Variants in B3GALT1 observed in about 807,000 individuals in gnomAD.
The protein encoded by B3GALT1 is beta-1,3-galactosyltransferase 1.
B3GALT1 carries 10 observed loss-of-function variants against 23.2 expected under a neutral mutation model. The ratio of observed to expected loss-of-function variants is 0.43; its 90% CI spans 0.27 to 0.73. The LOEUF is 0.73. Ranked by LOEUF, B3GALT1 falls within the 30% of genes least tolerant of loss-of-function variation. The probability of loss-of-function intolerance (pLI) is 0.21; values close to 1 mark genes in which losing one functional copy is unlikely to be tolerated. For synonymous variants in B3GALT1, 156 were observed against 141.5 expected (o/e 1.10, Z -0.73); for missense variants, 299 against 405.4 (o/e 0.74, Z 2.25).
intron 1 of B3GALT1, among the ~76,000 whole-genome samples, chr2:167,364,607 C>G (rs553934520): frequency 2.0e-5 from 3 of 152,062 alleles, no homozygotes; most frequent in African/African-American, 7.2e-5. Flanking sequence ...TCTGTCCTTG[C>G]GATAGTTTGC....
intron 3 of B3GALT1, among the ~76,000 whole-genome samples, chr2:167,762,694 AGTTTGG>A (rs1444243569): frequency 6.6e-6 from 1 of 152,042 alleles, no homozygotes; most frequent in Non-Finnish European, 1.5e-5. Flanking sequence ...TTGCACTTAG[AGTTTGG>A]GGTATGACTG....
intron 1 of B3GALT1, among the ~76,000 whole-genome samples, chr2:167,371,135 G>A (rs955966079): frequency 6.6e-6 from 1 of 152,006 alleles, no homozygotes; most frequent in Non-Finnish European, 1.5e-5. Context: ...TCTACTCAGA[G>A]TCAAGAATAT....
intron 1 of B3GALT1, among the ~76,000 whole-genome samples, chr2:167,323,003 T>C (rs1696837246): frequency 6.6e-6 from 1 of 152,096 alleles, no homozygotes; most frequent in Non-Finnish European, 1.5e-5. Context: ...ACCATTTCTA[T>C]TTTGTCTCAA....
At position 167,654,561 on chromosome 2, in the gene B3GALT1, T is replaced by C. The variant is rs187576149; in HGVS notation, c.-352+7595T>C. On this transcript the variant is annotated intron_variant, in intron 3 of 4. Coordinates refer to ENST00000392690, the MANE Select transcript of B3GALT1 (RefSeq NM_020981.4). ...GCCACTCAGGCTGGAGTACAGTTGCTCAATCATAGCTCACTGCAGCCTTCT... is the reference window on the plus strand; with the variant it reads ...GCCACTCAGGCTGGAGTACAGTTGCCCAATCATAGCTCACTGCAGCCTTCT... 2.5e-4 allele frequency among the ~76,000 whole-genome samples: 38 copies of C among 152,250 alleles called. 1 individual carries two copies. The highest frequency in any genetic ancestry group is 2.4e-3 in the Admixed American group (36 of 15,278).
chr2:167,320,641 T>C (rs1189479236), intron 1 of B3GALT1, among the ~76,000 whole-genome samples: 3 of 152,236 alleles, frequency 2.0e-5, no homozygotes, highest in East Asian at 1.9e-4. Context: ...CCCCAGTTCA[T>C]AGAAGCATAA....
At chr2:167,347,612 T>G (rs1697243258) in intron 1 of B3GALT1, among the ~76,000 whole-genome samples, 1 of 152,170 alleles carries the variant, frequency 6.6e-6, no homozygotes, top group Non-Finnish European at 1.5e-5. Flanking sequence ...TGACTTGGGA[T>G]TCACCAAAAC....
intron 3 of B3GALT1, among the ~76,000 whole-genome samples, chr2:167,738,759 A>T (rs1687530037): frequency 6.6e-6 from 1 of 151,970 alleles, no homozygotes; most frequent in Non-Finnish European, 1.5e-5. Flanking sequence ...TTCAGAGAAA[A>T]GTCAAACTCT....
At chr2:167,385,472 A>G (rs562410238) in intron 1 of B3GALT1, among the ~76,000 whole-genome samples, 1 of 152,308 alleles carries the variant, frequency 6.6e-6, no homozygotes, top group African/African-American at 2.4e-5. Flanking sequence ...TAGAGTACCC[A>G]TTACTTGGTA....
chr2:167,420,305 T>G (rs185421119), intron 1 of B3GALT1, among the ~76,000 whole-genome samples: 19 of 152,286 alleles, frequency 1.2e-4, no homozygotes, highest in African/African-American at 4.6e-4. Context: ...ACATTCCACT[T>G]AAACTGGTGA....
At chr2:167,849,668 A>G (rs1166262751) in intron 4 of B3GALT1, among the ~76,000 whole-genome samples, 1 of 152,122 alleles carries the variant, frequency 6.6e-6, no homozygotes, top group Non-Finnish European at 1.5e-5. Context: ...CGGGTGGATC[A>G]CAAGGTCAGG....
chr2:167,869,712 G>A lies in B3GALT1; in HGVS notation c.673G>A (p.Asp225Asn), dbSNP rs1394843947. The change falls in exon 5 of 5, where the codon GAT becomes AAT. Residue 225 changes from aspartate (D) to asparagine (N), a missense_variant. By Grantham distance (23) the Asp-to-Asn change is conservative. Transcript: ENST00000392690. This position sits in a 1 kb window ranked among gnomAD's most constrained non-coding sequence, Gnocchi z 6.4. ...DVRSKWYMPR[D>N]LYPDSNYPPF... ...CCGCAGTAAGTGGTATATGCCCAGG[G>A]ATTTGTACCCAGACAGTAACTACCC... The A allele has an allele frequency of 1.2e-6, 2 of 1,614,148 alleles. No homozygotes were observed. The highest frequency in any genetic ancestry group is 1.3e-5 in the African/African-American group (1 of 75,028).
At chr2:167,419,934 T>G (rs945951208) in intron 1 of B3GALT1, among the ~76,000 whole-genome samples, 3 of 152,182 alleles carry the variant, frequency 2.0e-5, no homozygotes, top group Non-Finnish European at 2.9e-5. Flanking sequence ...GAGTAGTTCA[T>G]GCTAAGGAAA....
rs150202321 is a variant in B3GALT1 at position 167,701,285 on chromosome 2, G to T, written c.-352+54319G>T. Among the ~76,000 whole-genome samples the T allele has an allele frequency of 2.2e-4, 33 of 152,100 alleles. 2 individuals are homozygous for T. In the East Asian group the frequency reaches 6.4e-3, roughly 30 times the overall value. On this transcript the variant is annotated intron_variant, in intron 3 of 4. Coordinates refer to ENST00000392690, the MANE Select transcript of B3GALT1 (RefSeq NM_020981.4). ...AAGCTTTCTTATGGGGGGAGGAGGG[G>T]CGTGACCACCAGATATGGTGAGGGG...
At chr2:167,463,445 T>A (rs1699297074) in intron 1 of B3GALT1, among the ~76,000 whole-genome samples, 1 of 152,126 alleles carries the variant, frequency 6.6e-6, no homozygotes, top group African/African-American at 2.4e-5. Flanking sequence ...TTCTAAGTAT[T>A]TTACCTGTAT....
chr2:167,452,033 C>A (rs1699100711), intron 1 of B3GALT1, among the ~76,000 whole-genome samples: 1 of 152,134 alleles, frequency 6.6e-6, no homozygotes, highest in Non-Finnish European at 1.5e-5. Flanking sequence ...CACCATGCCT[C>A]CCCAACAGCA....
chr2:167,681,728 G>A (rs1459184186), intron 3 of B3GALT1, among the ~76,000 whole-genome samples: 1 of 152,152 alleles, frequency 6.6e-6, no homozygotes, highest in Admixed American at 6.5e-5. Flanking sequence ...ACCCATATAT[G>A]TAGGGCCTAT....
intron 2 of B3GALT1, among the ~76,000 whole-genome samples, chr2:167,553,237 T>A (rs982744812): frequency 1.3e-5 from 2 of 152,194 alleles, no homozygotes; most frequent in African/African-American, 4.8e-5. Context: ...AGAGGAGTAT[T>A]CTGAATCAGC....
At chr2:167,523,216 C>T (rs2105362897) in intron 2 of B3GALT1, among the ~76,000 whole-genome samples, 1 of 152,242 alleles carries the variant, frequency 6.6e-6, no homozygotes, top group South Asian at 2.1e-4. Flanking sequence ...TTGGAAAGAA[C>T]ATCTTAATCT....
chr2:167,556,876 T>A (rs1395327713), intron 2 of B3GALT1, among the ~76,000 whole-genome samples: 1 of 152,194 alleles, frequency 6.6e-6, no homozygotes, highest in Non-Finnish European at 1.5e-5. Flanking sequence ...AATATTTATT[T>A]CTCACAATAA....
Sources: gnomAD v4.1 joint callset for allele counts (sites outside exome capture counted in the v4.1 genomes callset) on GRCh38, gnomAD v4.1.1 for gene constraint, Gnocchi (gnomAD v3.1) non-coding constraint, MANE v1.5 for transcripts, NCBI Gene and HGNC (gene_info 2026-07-23, HGNC 2026-07-21) for gene names.